The following LINGO2 variants were observed in gnomAD, a reference collection of about 807,000 sequenced individuals.
The protein encoded by LINGO2 is leucine-rich repeat and immunoglobulin-like domain-containing nogo receptor-interacting protein 2.
LINGO2 carries 14 observed loss-of-function variants against 30.6 expected under a neutral mutation model. The ratio of observed to expected loss-of-function variants is 0.46; its 90% CI spans 0.30 to 0.72. The LOEUF is 0.72. LINGO2 is among the 30% of genes least tolerant of loss of function. LINGO2 has a pLI of 0.07. For synonymous variants in LINGO2, 317 were observed against 288.5 expected (o/e 1.10, Z -1.00); for missense variants, 729 against 751.7 (o/e 0.97, Z 0.35).
chr9:28,322,725 AT>A (rs1016288032), intron 3 of LINGO2, among the ~76,000 whole-genome samples: 2 of 152,034 alleles, frequency 1.3e-5, no homozygotes, highest in East Asian at 3.9e-4. Flanking sequence ...TGCTTTTCTA[AT>A]TTTTTTTAGC....
the LINGO2 span, among the ~76,000 whole-genome samples, chr9:29,051,519 CTAGATAAAGGG>C: frequency 6.6e-6 from 1 of 152,126 alleles, no homozygotes; most frequent in South Asian, 2.1e-4. Context: ...ATGACATGGA[CTAGATAAAGGG>C]TAAAACCTAC....
the LINGO2 span, among the ~76,000 whole-genome samples, chr9:29,104,531 C>T: frequency 2.0e-5 from 3 of 151,990 alleles, no homozygotes; most frequent in South Asian, 2.1e-4. Flanking sequence ...TACCCAGTCT[C>T]GGGTAGTTCT....
the LINGO2 span, among the ~76,000 whole-genome samples, chr9:29,170,937 C>G: frequency 1.3e-5 from 2 of 152,048 alleles, no homozygotes; most frequent in South Asian, 4.1e-4. Flanking sequence ...GTTTTAGTTG[C>G]AGTATAAATT....
the LINGO2 span, among the ~76,000 whole-genome samples, chr9:29,090,456 C>G: frequency 6.6e-6 from 1 of 152,024 alleles, no homozygotes. Context: ...TGTCATCTCT[C>G]TAAGTCTCCT....
At chr9:28,953,393 G>A in the LINGO2 span, among the ~76,000 whole-genome samples, 5 of 151,946 alleles carry the variant, frequency 3.3e-5, no homozygotes, top group African/African-American at 4.8e-5. Flanking sequence ...TATCATATTA[G>A]AAATGAAAGC....
At chr9:29,143,266 A>AT in the LINGO2 span, among the ~76,000 whole-genome samples, 1 of 152,108 alleles carries the variant, frequency 6.6e-6, no homozygotes, top group Non-Finnish European at 1.5e-5. Flanking sequence ...TACAGATCCA[A>AT]TACAATCCCT....
intron 4 of LINGO2, among the ~76,000 whole-genome samples, chr9:28,064,413 G>T (rs148375519): frequency 0.012 from 1,796 of 152,146 alleles, 15 homozygotes; most frequent in Middle Eastern, 0.021. Context: ...ACGAAGCCAG[G>T]CAGGTCTGCA....
At chr9:28,859,764 T>G in the LINGO2 span, among the ~76,000 whole-genome samples, 2 of 152,150 alleles carry the variant, frequency 1.3e-5, no homozygotes, top group East Asian at 3.9e-4. Flanking sequence ...ATATTCAAAT[T>G]TTATTCACTT....
chr9:28,374,636 T>C (rs1821049397), intron 2 of LINGO2, among the ~76,000 whole-genome samples: 1 of 152,106 alleles, frequency 6.6e-6, no homozygotes, highest in African/African-American at 2.4e-5. Flanking sequence ...CTCTATCCTT[T>C]CCTCCTTAGC....
the LINGO2 span, among the ~76,000 whole-genome samples, chr9:28,894,693 G>C: frequency 4.0e-5 from 6 of 151,066 alleles, no homozygotes; most frequent in Non-Finnish European, 8.9e-5. Context: ...TGATATGACA[G>C]AGTGTAAAAT....
intron 3 of LINGO2, among the ~76,000 whole-genome samples, chr9:28,351,845 T>A (rs1487913685): frequency 6.7e-6 from 1 of 150,060 alleles, no homozygotes; most frequent in South Asian, 2.1e-4. Flanking sequence ...GCTGGTTCAA[T>A]ATATGCAAAT....
intron 5 of LINGO2, among the ~76,000 whole-genome samples, chr9:27,994,850 T>C (rs10968262): frequency 0.11 from 17,102 of 152,190 alleles, 1,157 homozygotes; most frequent in Non-Finnish European, 0.15. Context: ...AGGGTGCTGC[T>C]GGCCCATTCC....
the LINGO2 span, among the ~76,000 whole-genome samples, chr9:28,976,953 A>G: frequency 1.3e-5 from 2 of 152,160 alleles, no homozygotes; most frequent in African/African-American, 4.8e-5. Flanking sequence ...GTGGCAATTT[A>G]TATTTTGTTA....
the LINGO2 span, among the ~76,000 whole-genome samples, chr9:28,862,241 A>G: frequency 2.0e-5 from 3 of 152,146 alleles, no homozygotes; most frequent in Non-Finnish European, 2.9e-5. Context: ...ATACAGTCCT[A>G]TGAAAAATAA....
chr9:28,636,842 A>C (rs1313544892), intron 1 of LINGO2, among the ~76,000 whole-genome samples: 1 of 152,086 alleles, frequency 6.6e-6, no homozygotes, highest in Non-Finnish European at 1.5e-5. Flanking sequence ...CCCATTTATC[A>C]ATTTTGGCTT....
chr9:29,095,457 A>C, the LINGO2 span, among the ~76,000 whole-genome samples: 1 of 137,982 alleles, frequency 7.2e-6, no homozygotes. Context: ...AATAAACACA[A>C]CAAAACACCT....
intron 4 of LINGO2, among the ~76,000 whole-genome samples, chr9:28,137,455 A>G (rs760438177): frequency 1.3e-5 from 2 of 152,208 alleles, no homozygotes; most frequent in African/African-American, 2.4e-5. Context: ...GGCCTAGGAA[A>G]TTAATCTGGC....
chr9:28,501,721 T>C (rs1819894767), intron 1 of LINGO2, among the ~76,000 whole-genome samples: 1 of 151,896 alleles, frequency 6.6e-6, no homozygotes, highest in Admixed American at 6.6e-5. Flanking sequence ...GTGATACTAC[T>C]ACCAGCTGAT....
intron 2 of LINGO2, among the ~76,000 whole-genome samples, chr9:28,470,678 G>A (rs1825483738): frequency 6.6e-6 from 1 of 152,048 alleles, no homozygotes; most frequent in African/African-American, 2.4e-5. Flanking sequence ...TCGCCATTCA[G>A]CTGTGATTCT....
Sources: allele counts gnomAD v4.1 joint callset (sites outside exome capture counted in the v4.1 genomes callset), GRCh38; gene constraint gnomAD v4.1.1; transcripts MANE v1.5; gene names NCBI Gene and HGNC (gene_info 2026-07-23, HGNC 2026-07-21).